SORCS2: variants seen among roughly 807,000 people sequenced by gnomAD.
SORCS2 encodes VPS10 domain-containing receptor SorCS2.
SORCS2 carries 100 observed loss-of-function variants against 141.6 expected under a neutral mutation model. The ratio of observed to expected loss-of-function variants is 0.71; its 90% CI spans 0.60 to 0.83. The LOEUF (loss-of-function observed/expected upper bound fraction) is 0.83. SORCS2 is among the 40% of genes least tolerant of loss of function. The pLI, the probability that SORCS2 is intolerant of heterozygous loss-of-function variation, is 0.00. For missense variants in SORCS2, 1,646 were observed against 1,560.2 expected, an observed-to-expected ratio of 1.05 and a Z score of -0.93; for synonymous variants, 789 against 676.9, an observed-to-expected ratio of 1.17 and a Z score of -2.57.
intron 6 of SORCS2, among the ~76,000 whole-genome samples, chr4:7,662,665 G>T (rs892258115): frequency 6.6e-6 from 1 of 152,214 alleles, no homozygotes; most frequent in Non-Finnish European, 1.5e-5. Flanking sequence ...CGTTGTCAGG[G>T]TTAGCTGTCT....
intron 3 of SORCS2, among the ~76,000 whole-genome samples, chr4:7,560,040 G>C (rs1025051700): frequency 6.6e-6 from 1 of 152,204 alleles, no homozygotes; most frequent in African/African-American, 2.4e-5. Flanking sequence ...GGAGGCTTCT[G>C]TGGAGGCCCT....
At chr4:7,691,195 G>A (rs1724225304) in intron 11 of SORCS2, among the ~76,000 whole-genome samples, 1 of 152,370 alleles carries the variant, frequency 6.6e-6, no homozygotes, top group Middle Eastern at 3.4e-3. Flanking sequence ...AGGACCATAT[G>A]GATGTGGACC....
chr4:7,249,823 G>A (rs866192414), intron 1 of SORCS2, among the ~76,000 whole-genome samples: 1 of 152,170 alleles, frequency 6.6e-6, no homozygotes, highest in Non-Finnish European at 1.5e-5. Context: ...GGACCCGCAG[G>A]TTTCCTCTCT....
Position 7,257,336 on chromosome 4 carries a change from G to A in SORCS2, c.480+64210G>A, listed in dbSNP as rs370578201. Among the ~76,000 whole-genome samples the A allele has an allele frequency of 2.1e-5, 3 of 142,794 alleles. No homozygotes were observed. The East Asian group carries it at 7.1e-4, about 34-fold the overall frequency. 93.7% of individuals were successfully genotyped at this position (142,794 alleles called of 152,430 possible). A position where few individuals can be genotyped will look rare whatever the true frequency, so the allele number is the denominator to read the frequency against. Reference sequence around the variant, plus strand: ...GGTTTTGCTCAGCACCGACCTTGGGGAAGGCTGTGTGAGGGCAGGGAGACC... The same window carrying A: ...GGTTTTGCTCAGCACCGACCTTGGGAAAGGCTGTGTGAGGGCAGGGAGACC... On this transcript the variant is annotated intron_variant, in intron 1 of 26. Transcript: ENST00000507866.
intron 8 of SORCS2, among the ~76,000 whole-genome samples, chr4:7,668,580 C>T (rs915252902): frequency 7.7e-4 from 117 of 152,284 alleles, no homozygotes; most frequent in African/African-American, 2.7e-3. Flanking sequence ...TCAGACCTCT[C>T]CTGAGCCAGA....
intron 9 of SORCS2, among the ~76,000 whole-genome samples, chr4:7,678,881 G>A (rs1723331450): frequency 6.6e-6 from 1 of 152,216 alleles, no homozygotes; most frequent in Non-Finnish European, 1.5e-5. Context: ...ACCTCTCTGG[G>A]CTTCCCTATG....
chr4:7,247,502 A>G (rs1018611317), intron 1 of SORCS2, among the ~76,000 whole-genome samples: 2 of 152,270 alleles, frequency 1.3e-5, no homozygotes, highest in African/African-American at 4.8e-5. Flanking sequence ...TTGGCCAACC[A>G]TAAACGGCAT....
chr4:7,716,933 G>T lies in SORCS2; in HGVS notation c.2253-1079G>T, dbSNP rs573408088. On this transcript the variant is annotated intron_variant, in intron 17 of 26. Transcript: ENST00000507866. ...TTCAAAGCACTAATGAAATGGGCCT[G>T]TGCATGATCAACTTCTGAATGCTTA... Among the ~76,000 whole-genome samples, 4 of 152,354 alleles carry T rather than the reference G, an allele frequency of 2.6e-5. No individual in the cohort carries two copies. In the South Asian group the frequency reaches 8.3e-4, roughly 32 times the overall value.
intron 2 of SORCS2, chr4:7,433,021 G>A: frequency 3.8e-6 from 1 of 266,186 alleles, no homozygotes; most frequent in Non-Finnish European, 7.0e-6. Context: ...GCTCTCATGG[G>A]ACCACCGGCA....
intron 3 of SORCS2, among the ~76,000 whole-genome samples, chr4:7,565,887 G>A (rs1379451385): frequency 6.6e-6 from 1 of 150,558 alleles, no homozygotes; most frequent in Non-Finnish European, 1.5e-5. Flanking sequence ...TGGAGATGAT[G>A]ATGGTGGTGA....
chr4:7,277,701 C>T (rs1715594298), intron 1 of SORCS2, among the ~76,000 whole-genome samples: 1 of 152,198 alleles, frequency 6.6e-6, no homozygotes, highest in South Asian at 2.1e-4. Context: ...TTGGGGGTGG[C>T]CGTCTGCCCT....
chr4:7,431,932 G>C (rs1214529239), intron 2 of SORCS2: 1 of 152,266 alleles, frequency 6.6e-6, no homozygotes, highest in Non-Finnish European at 1.5e-5. Context: ...ATGGGCCTCA[G>C]GTGAAATACC....
At chr4:7,537,816 G>C (rs573615865) in intron 3 of SORCS2, among the ~76,000 whole-genome samples, 3 of 152,212 alleles carry the variant, frequency 2.0e-5, no homozygotes, top group African/African-American at 7.2e-5. Context: ...AGACCAGCCT[G>C]GCCAACATAA....
chr4:7,702,341 G>A (rs758252983), intron 12 of SORCS2, among the ~76,000 whole-genome samples: 9 of 152,338 alleles, frequency 5.9e-5, no homozygotes, highest in Admixed American at 2.6e-4. Flanking sequence ...TGAGACATGC[G>A]CTGGCCGCCC....
intron 1 of SORCS2, among the ~76,000 whole-genome samples, chr4:7,289,724 T>G (rs963142336): frequency 1.3e-5 from 2 of 152,184 alleles, no homozygotes; most frequent in African/African-American, 4.8e-5. Flanking sequence ...GACTCTCCTA[T>G]CAGCAGCGCT....
intron 2 of SORCS2, among the ~76,000 whole-genome samples, chr4:7,398,104 T>G (rs1016125997): frequency 1.3e-5 from 2 of 152,144 alleles, no homozygotes; most frequent in Admixed American, 6.5e-5. Context: ...CGGTGTGATC[T>G]GCACTTATAC....
At chr4:7,703,182 G>A (rs1229336890) in intron 12 of SORCS2, 98 bp from the exon 13 acceptor site, 5 of 938,614 alleles carry the variant, frequency 5.3e-6, no homozygotes, top group Non-Finnish European at 7.9e-6. Flanking sequence ...ACAACCCCCG[G>A]CTGCACATTG....
chr4:7,302,551 A>G (rs1260451504), intron 1 of SORCS2, among the ~76,000 whole-genome samples: 1 of 152,094 alleles, frequency 6.6e-6, no homozygotes, highest in Admixed American at 6.5e-5. Context: ...CACCTTATTT[A>G]AAACTGCAAC....
At chr4:7,552,808 A>G (rs1713814351) in intron 3 of SORCS2, among the ~76,000 whole-genome samples, 1 of 152,092 alleles carries the variant, frequency 6.6e-6, no homozygotes. Flanking sequence ...TGTACAGTCT[A>G]TAAGGGAGGA....
Sources: allele counts gnomAD v4.1 joint callset (sites outside exome capture counted in the v4.1 genomes callset), GRCh38; gene constraint gnomAD v4.1.1; transcripts MANE v1.5; gene names NCBI Gene and HGNC (gene_info 2026-07-23, HGNC 2026-07-21).